Variants in LMF1 observed in about 807,000 individuals in gnomAD.
LMF1 encodes the protein lipase maturation factor 1.
In LMF1, 68 loss-of-function variants were observed where a neutral mutation model predicts 60.6. The observed-to-expected ratio is 1.12, with a 90% CI of 0.92 to 1.37. The LOEUF (loss-of-function observed/expected upper bound fraction) is 1.37, where lower values mean the gene tolerates loss of function less well. Among genes scored for constraint, LMF1 ranks in the 40% most tolerant of loss-of-function variants. The pLI is 0.00. For missense variants in LMF1, 948 were observed against 767.2 expected, an observed-to-expected ratio of 1.24 and a Z score of -2.78; for synonymous variants, 418 against 324.7, an observed-to-expected ratio of 1.29 and a Z score of -3.09.
intron 6 of LMF1, among the ~76,000 whole-genome samples, chr16:875,566 G>C (rs543595487): frequency 6.6e-6 from 1 of 152,242 alleles, no homozygotes; most frequent in East Asian, 1.9e-4. Flanking sequence ...TCAGCTTATC[G>C]GGAGAGGGGC....
chr16:954,305 T>C (rs368958461), intron 2 of LMF1, 52 bp downstream of exon 2: 5 of 1,551,710 alleles, frequency 3.2e-6, no homozygotes, highest in African/African-American at 1.4e-5. Flanking sequence ...GCAGTGCCTG[T>C]GCTGAGTGAC....
At chr16:928,138 T>C (rs147515727) in intron 3 of LMF1, among the ~76,000 whole-genome samples, 1 of 152,312 alleles carries the variant, frequency 6.6e-6, no homozygotes, top group Non-Finnish European at 1.5e-5. Context: ...CCTGCCTCCG[T>C]GGCTCACACA....
chr16:977,685 G>T (rs1378267530), intron 1 of LMF1, among the ~76,000 whole-genome samples: 1 of 145,460 alleles, frequency 6.9e-6, no homozygotes, highest in Non-Finnish European at 1.5e-5. Context: ...GGGGTGGATG[G>T]AGGGGGACGG....
intron 3 of LMF1, among the ~76,000 whole-genome samples, chr16:912,361 C>T (rs150461749): frequency 3.3e-5 from 5 of 152,168 alleles, no homozygotes; most frequent in Non-Finnish European, 5.9e-5. Context: ...CGGAGGCTCG[C>T]GGGGAGCTTC....
chr16:913,385 G>A (rs72759459), intron 3 of LMF1, among the ~76,000 whole-genome samples: 4,951 of 152,366 alleles, frequency 0.032, 115 homozygotes, highest in East Asian at 0.094. Context: ...CCCAATCAGC[G>A]GAGAAGCTGC....
chr16:964,051 G>A (rs2072871915), intron 1 of LMF1: 1 of 456,072 alleles, frequency 2.2e-6, no homozygotes, highest in South Asian at 1.5e-5. Context: ...CCTGACCTGG[G>A]AGCTGCAACG....
At position 906,162 on chromosome 16, in the gene LMF1, A is replaced by G. The variant is rs1354101289; in HGVS notation, c.663+4769T>C. On this transcript the variant is annotated intron_variant, in intron 4 of 10. Coordinates refer to ENST00000262301, the MANE Select transcript of LMF1 (RefSeq NM_022773.4). ...GTTGAATTGACTTGGTGGCTTGTCCAGGAATCATTTGATCCTGACTTTGGT... is the reference window on the plus strand; with the variant it reads ...GTTGAATTGACTTGGTGGCTTGTCCGGGAATCATTTGATCCTGACTTTGGT... 2.0e-5 allele frequency among the ~76,000 whole-genome samples: 3 copies of G among 152,338 alleles called. No individual in the cohort carries two copies. In the East Asian group the frequency reaches 5.8e-4, roughly 29 times the overall value.
chr16:900,042 G>C (rs2070766969), intron 4 of LMF1: 2 of 152,242 alleles, frequency 1.3e-5, no homozygotes, highest in South Asian at 4.1e-4. Flanking sequence ...CCCAAATCCT[G>C]GCTTTCCTTG....
chr16:880,946 G>C (rs566742799), intron 5 of LMF1, among the ~76,000 whole-genome samples: 3 of 152,338 alleles, frequency 2.0e-5, no homozygotes, highest in South Asian at 4.1e-4. Context: ...AGCACAGCCC[G>C]CGGGAGCCAT....
intron 10 of LMF1, among the ~76,000 whole-genome samples, chr16:858,880 G>A (rs2069312680): frequency 1.0e-5 from 1 of 97,818 alleles, no homozygotes; most frequent in Non-Finnish European, 1.9e-5. Flanking sequence ...GTGGTGTCTC[G>A]GGACGGGTGT....
intron 10 of LMF1, among the ~76,000 whole-genome samples, chr16:860,280 CTT>C (rs963226037): frequency 2.0e-5 from 3 of 151,446 alleles, no homozygotes; most frequent in Non-Finnish European, 2.9e-5. Flanking sequence ...CACAGATCAT[CTT>C]TAAGTATAAT....
intron 3 of LMF1, among the ~76,000 whole-genome samples, chr16:921,480 G>T (rs2071429610): frequency 6.6e-6 from 1 of 152,244 alleles, no homozygotes; most frequent in Non-Finnish European, 1.5e-5. Context: ...AGTGTGTGGG[G>T]GCAGGGACAA....
chr16:886,563 A>G (rs1398113867), intron 5 of LMF1, among the ~76,000 whole-genome samples: 4 of 1,290 alleles, frequency 3.1e-3, no homozygotes, highest in African/African-American at 0.027. Context: ...GGCCCCTCCC[A>G]CCCTAGGCCC....
intron 2 of LMF1, among the ~76,000 whole-genome samples, chr16:941,290 C>G (rs2072095203): frequency 6.6e-6 from 1 of 151,998 alleles, no homozygotes; most frequent in South Asian, 2.1e-4. Context: ...AGTGCAGTGG[C>G]TCACTGCAAC....
chr16:930,431 T>C (rs1340748769), intron 3 of LMF1, among the ~76,000 whole-genome samples: 1 of 152,174 alleles, frequency 6.6e-6, no homozygotes, highest in Non-Finnish European at 1.5e-5. Context: ...GCCATGACAG[T>C]GCGCCTGTAG....
intron 10 of LMF1, 181 bp from the exon 11 acceptor site, chr16:854,887 C>A (rs2069146022): frequency 9.3e-6 from 6 of 648,390 alleles, no homozygotes; most frequent in Non-Finnish European, 2.8e-6. Context: ...GGCAACTGTT[C>A]CAGTCGGCAC....
intron 3 of LMF1, among the ~76,000 whole-genome samples, chr16:927,093 C>A (rs1597011285): frequency 1.3e-5 from 2 of 152,204 alleles, no homozygotes; most frequent in East Asian, 3.9e-4. Flanking sequence ...GGAGCCGAGT[C>A]TGAGGGCAGC....
intron 10 of LMF1, among the ~76,000 whole-genome samples, chr16:862,694 C>T (rs2069499917): frequency 2.0e-5 from 3 of 151,800 alleles, no homozygotes. Context: ...CCTGTCTCTA[C>T]AAAAACTAAA....
intron 10 of LMF1, among the ~76,000 whole-genome samples, chr16:858,122 G>GC (rs1311516590): frequency 5.3e-3 from 352 of 65,956 alleles, no homozygotes; most frequent in Middle Eastern, 0.011. Flanking sequence ...GGATGGGTGT[G>GC]AGTGGTGTCA....
Sources: allele counts gnomAD v4.1 joint callset (sites outside exome capture counted in the v4.1 genomes callset), GRCh38; gene constraint gnomAD v4.1.1; transcripts MANE v1.5; gene names NCBI Gene and HGNC (gene_info 2026-07-23, HGNC 2026-07-21).